Variants in DAZL observed in about 807,000 individuals in gnomAD.
The protein encoded by DAZL is deleted in azoospermia-like.
A neutral mutation model predicts 45.0 loss-of-function variants in DAZL; 4 were observed. The ratio of observed to expected loss-of-function variants is 0.09; its 90% CI spans 0.04 to 0.20. The LOEUF is 0.20. DAZL is among the 10% of genes least tolerant of loss of function. The pLI is 1.00. For missense variants in DAZL, 326 were observed against 351.3 expected (o/e 0.93, Z 0.58); for synonymous variants, 122 against 112.4 (o/e 1.09, Z -0.54).
intron 1 of DAZL, chr3:16,604,762 A>G: frequency 7.4e-7 from 1 of 1,346,964 alleles, no homozygotes; most frequent in Non-Finnish European, 9.5e-7. Context: ...GCCAGAAATG[A>G]GGCTGGCGGG....
chr3:16,595,915 C>A (rs532820889), intron 6 of DAZL, among the ~76,000 whole-genome samples: 3 of 151,776 alleles, frequency 2.0e-5, no homozygotes, highest in African/African-American at 4.8e-5. Flanking sequence ...CAATAAATAG[C>A]TACTGATTGA....
At chr3:16,594,512 T>C (rs370466886) in intron 8 of DAZL, 21 bp downstream of exon 8, 9 of 1,561,458 alleles carry the variant, frequency 5.8e-6, no homozygotes, top group Non-Finnish European at 7.9e-6. Context: ...AGGAATTATA[T>C]GTTTGGCTAA....
chr3:16,594,873 A>G (rs1258132224), intron 7 of DAZL, among the ~76,000 whole-genome samples: 2 of 152,078 alleles, frequency 1.3e-5, no homozygotes, highest in Non-Finnish European at 2.9e-5. Flanking sequence ...GGTCACAGAT[A>G]CAGTCATATC....
chr3:16,599,383 C>T (rs557063175), intron 1 of DAZL, among the ~76,000 whole-genome samples: 17 of 152,202 alleles, frequency 1.1e-4, no homozygotes, highest in Non-Finnish European at 1.8e-4. Context: ...TCCTGCTTCG[C>T]CTTTTTCACC....
chr3:16,603,961 G>A (rs1694734105), intron 1 of DAZL, among the ~76,000 whole-genome samples: 1 of 152,078 alleles, frequency 6.6e-6, no homozygotes, highest in African/African-American at 2.4e-5. Flanking sequence ...GAGTAAATAT[G>A]ATACTTTTAT....
chr3:16,604,958 C>G (rs1694755106), intron 1 of DAZL, among the ~76,000 whole-genome samples: 1 of 152,210 alleles, frequency 6.6e-6, no homozygotes, highest in African/African-American at 2.4e-5. Context: ...GGCGAGGCAG[C>G]GCGTCCTCGG....
At chr3:16,593,123 G>A (rs1400871342) in intron 9 of DAZL, among the ~76,000 whole-genome samples, 1 of 152,150 alleles carries the variant, frequency 6.6e-6, no homozygotes, top group Non-Finnish European at 1.5e-5. Flanking sequence ...CATGTAATTC[G>A]TACCAATTCC....
intron 8 of DAZL, 29 bp downstream of exon 8, chr3:16,594,504 G>C (rs1390703140): frequency 6.6e-7 from 1 of 1,523,458 alleles, no homozygotes; most frequent in African/African-American, 1.4e-5. Context: ...AAAATAACAG[G>C]AATTATATGT....
chr3:16,601,463 T>C (rs1351385359), intron 1 of DAZL, among the ~76,000 whole-genome samples: 2 of 152,178 alleles, frequency 1.3e-5, no homozygotes, highest in Non-Finnish European at 2.9e-5. Flanking sequence ...GCTAACAAAG[T>C]AAGCAATGTA....
chr3:16,589,105 C>T (rs1470506909), intron 10 of DAZL, among the ~76,000 whole-genome samples: 1 of 152,198 alleles, frequency 6.6e-6, no homozygotes, highest in Non-Finnish European at 1.5e-5. Context: ...ATAGGAACCA[C>T]GGCTTGTGAA....
intron 1 of DAZL, among the ~76,000 whole-genome samples, chr3:16,599,717 T>A (rs902853559): frequency 6.6e-6 from 1 of 152,228 alleles, no homozygotes; most frequent in South Asian, 2.1e-4. Context: ...CTTTCCGCAG[T>A]AGACTCTAAG....
chr3:16,604,683 C>T, intron 1 of DAZL: 3 of 1,359,580 alleles, frequency 2.2e-6, no homozygotes, highest in Non-Finnish European at 2.8e-6. Flanking sequence ...AAGCTCCGGC[C>T]CTCGAAGTTT....
In DAZL at chr3:16,598,530, A is replaced by C. The variant is rs756400111; in HGVS notation, c.72T>G (p.Ala24=). The change falls in exon 2 of 11, where the codon GCT becomes GCG. Residue 24 remains alanine, a synonymous_variant. Coordinates refer to ENST00000399444, the MANE Select transcript of DAZL (RefSeq NM_001351.4). ...GTAAAATATAGCCTTGGCTGGTTGC[A>C]GCTGATGAGGACTGGGTGCTGGCCT... The part of the protein sequence containing the change: ...SREASTQSSS[A]ATSQGYILPE... 1 of 1,606,210 alleles carries C rather than the reference A, an allele frequency of 6.2e-7. No individual in the cohort carries two copies. The highest frequency in any genetic ancestry group is 1.7e-5 in the Admixed American group (1 of 59,986).
At chr3:16,601,874 AT>A (rs1280275424) in intron 1 of DAZL, among the ~76,000 whole-genome samples, 2 of 152,190 alleles carry the variant, frequency 1.3e-5, no homozygotes, top group African/African-American at 4.8e-5. Flanking sequence ...GCTGGAAAAA[AT>A]TATTATGTAA....
At position 16,594,584 on chromosome 3, in the gene DAZL, CT is replaced by C. The variant is rs1384967465; in HGVS notation, c.571-2del. On this transcript the variant is annotated splice_acceptor_variant, in intron 7 of 10. Transcript: ENST00000399444. LOFTEE classifies it high-confidence loss of function. Reference sequence around the variant, plus strand: ...CCCCAACAGGCCACTGTGGTGGCATCTTAAAAAAAAAAAAAAGGAAACCAAA... The same window carrying C: ...CCCCAACAGGCCACTGTGGTGGCATCTAAAAAAAAAAAAAAGGAAACCAAA... 13 of 1,502,376 alleles carry C rather than the reference CT, an allele frequency of 8.7e-6. No individual in the cohort carries two copies. The African/African-American group carries it at 2.0e-4, about 24-fold the overall frequency. 93.1% of individuals were successfully genotyped at this position (1,502,376 alleles called of 1,614,324 possible). A position where few individuals can be genotyped will look rare whatever the true frequency, so the allele number is the denominator to read the frequency against.
At chr3:16,603,410 A>C (rs1190756049) in intron 1 of DAZL, among the ~76,000 whole-genome samples, 1 of 151,366 alleles carries the variant, frequency 6.6e-6, no homozygotes, top group African/African-American at 2.4e-5. Context: ...GTGCAGTGGC[A>C]TGATCTCAGC....
intron 10 of DAZL, among the ~76,000 whole-genome samples, chr3:16,591,204 T>C (rs912190554): frequency 1.3e-5 from 2 of 152,136 alleles, no homozygotes; most frequent in African/African-American, 4.8e-5. Flanking sequence ...GGAGTCTTAA[T>C]AAGATTTATC....
At chr3:16,604,098 A>G (rs1191583040) in intron 1 of DAZL, among the ~76,000 whole-genome samples, 2 of 152,254 alleles carry the variant, frequency 1.3e-5, no homozygotes, top group African/African-American at 4.8e-5. Flanking sequence ...ATGTTGCACA[A>G]TTACACATAA....
At chr3:16,601,805 T>C (rs890336120) in intron 1 of DAZL, among the ~76,000 whole-genome samples, 1 of 152,188 alleles carries the variant, frequency 6.6e-6, no homozygotes, top group Non-Finnish European at 1.5e-5. Flanking sequence ...CTCATTGTTA[T>C]TTATAGCAAA....
Sources: allele counts gnomAD v4.1 joint callset (sites outside exome capture counted in the v4.1 genomes callset), GRCh38; gene constraint gnomAD v4.1.1; transcripts MANE v1.5; gene names NCBI Gene and HGNC (gene_info 2026-07-23, HGNC 2026-07-21).